PRDM6: variants seen among roughly 807,000 people sequenced by gnomAD.
The protein encoded by PRDM6 is PR/SET domain 6, also known as putative histone-lysine N-methyltransferase PRDM6.
Under a neutral mutation model 60.8 loss-of-function variants are expected in PRDM6, and 25 were observed. The ratio of observed to expected loss-of-function variants is 0.41; its 90% CI spans 0.30 to 0.57. The LOEUF is 0.57. PRDM6 is among the 20% of genes least tolerant of loss of function. PRDM6 has a pLI of 0.27. For synonymous variants in PRDM6, 407 were observed against 357.4 expected, an observed-to-expected ratio of 1.14 and a Z score of -1.57; for missense variants, 839 against 821.3, an observed-to-expected ratio of 1.02 and a Z score of -0.26.
chr5:123,097,667 T>C (rs973933584), intron 2 of PRDM6, among the ~76,000 whole-genome samples: 1 of 152,134 alleles, frequency 6.6e-6, no homozygotes, highest in South Asian at 2.1e-4. Flanking sequence ...GTGTGTGAAG[T>C]GTGTGTGTTT....
chr5:123,140,311 A>G (rs1765068647), intron 3 of PRDM6, among the ~76,000 whole-genome samples: 2 of 151,874 alleles, frequency 1.3e-5, no homozygotes, highest in African/African-American at 4.8e-5. Flanking sequence ...TCAAAATGAC[A>G]TGATGGAATA....
intron 3 of PRDM6, among the ~76,000 whole-genome samples, chr5:123,136,343 A>G (rs1277058906): frequency 6.6e-6 from 1 of 152,116 alleles, no homozygotes; most frequent in Admixed American, 6.6e-5. Context: ...TAATGTGTTT[A>G]TAGGGTTCAT....
chr5:123,188,350 G>T lies in PRDM6; in HGVS notation c.*1149G>T, dbSNP rs1766334677. ...CTAATTTTATCAATAGGATTACTTTGTCTTTTCTTGAGATTGATTAATTGA... is the reference window on the plus strand; with the variant it reads ...CTAATTTTATCAATAGGATTACTTTTTCTTTTCTTGAGATTGATTAATTGA... On this transcript the variant is annotated 3_prime_UTR_variant, in exon 8 of 8. Coordinates refer to ENST00000407847, the MANE Select transcript of PRDM6 (RefSeq NM_001136239.4). The T allele has an allele frequency of 6.6e-6, 1 of 152,154 alleles. No individual in the cohort carries two copies. The highest frequency in any genetic ancestry group is 1.5e-5 in the Non-Finnish European group (1 of 68,020). 9.4% of individuals were successfully genotyped at this position (152,154 alleles called of 1,614,324 possible).
intron 3 of PRDM6, among the ~76,000 whole-genome samples, chr5:123,116,238 C>T (rs151239895): frequency 1.1e-4 from 17 of 152,312 alleles, no homozygotes; most frequent in Middle Eastern, 3.4e-3. Flanking sequence ...TGGAACTAAA[C>T]GCCTCCACAC....
At chr5:123,142,356 G>T (rs1765124251) in intron 3 of PRDM6, among the ~76,000 whole-genome samples, 1 of 152,134 alleles carries the variant, frequency 6.6e-6, no homozygotes, top group African/African-American at 2.4e-5. Context: ...AGGTCATACA[G>T]TTAATACTGC....
intron 3 of PRDM6, among the ~76,000 whole-genome samples, chr5:123,138,636 T>C (rs1367092626): frequency 6.6e-6 from 1 of 152,256 alleles, no homozygotes; most frequent in African/African-American, 2.4e-5. Flanking sequence ...ATCTCTTTGG[T>C]AAATTTGGAT....
Position 123,099,760 on chromosome 5 carries a change from C to T in PRDM6, c.699C>T (p.Pro233=), listed in dbSNP as rs916352695. The T allele has an allele frequency of 9.7e-6, 15 of 1,546,862 alleles. No homozygotes were observed. The highest frequency in any genetic ancestry group is 1.0e-5 in the Non-Finnish European group (12 of 1,145,182). ...VGTSSAAAAA[P]PPELPEWLRD... is the part of the protein sequence containing the mutation. ...CCAGCAGCGCTGCGGCCGCCGCGCC[C>T]CCGCCGGAGCTGCCGGAGTGGCTGC... is the stretch of plus-strand genomic sequence containing the variant. Residue 233 remains proline (P), a synonymous_variant, in exon 3 of 8, where the codon CCC becomes CCT. Coordinates refer to ENST00000407847, the MANE Select transcript of PRDM6 (RefSeq NM_001136239.4). The surrounding 1 kb of genome is among the most constrained non-coding windows in gnomAD (Gnocchi z 4.0).
chr5:123,113,783 G>T (rs1250693888), intron 3 of PRDM6, among the ~76,000 whole-genome samples: 2 of 152,160 alleles, frequency 1.3e-5, no homozygotes, highest in Non-Finnish European at 2.9e-5. Flanking sequence ...CACTGCACTG[G>T]TTTTTCAGAC....
Position 123,090,259 on chromosome 5 carries a change from C to G in PRDM6, c.245C>G (p.Thr82Arg). Residue 82 changes from threonine to arginine, a missense_variant, in exon 2 of 8, where the codon ACG becomes AGG. Thr to Arg is a moderately conservative substitution (Grantham distance 71). This residue lies in a region of PRDM6 where 730 missense variants were observed against 648.8 expected (regional missense o/e 1.13). Transcript: ENST00000407847. ...GCCTCTCTCTCCTCCGCCTCGTCCACGCCGGCTTCCTCTTCCACCTCCGCC... is the reference window on the plus strand; with the variant it reads ...GCCTCTCTCTCCTCCGCCTCGTCCAGGCCGGCTTCCTCTTCCACCTCCGCC... The part of the protein sequence containing the change: ...RPASLSSASS[T>R]PASSSTSASS... The G allele has an allele frequency of 6.7e-7, 1 of 1,487,134 alleles. No homozygotes were observed. The highest frequency in any genetic ancestry group is 1.3e-5 in the South Asian group (1 of 78,542). 92.1% of individuals were successfully genotyped at this position (1,487,134 alleles called of 1,614,324 possible). A position where few individuals can be genotyped will look rare whatever the true frequency, so the allele number is the denominator to read the frequency against.
chr5:123,179,536 G>A (rs1004524523), intron 6 of PRDM6, among the ~76,000 whole-genome samples: 21 of 152,290 alleles, frequency 1.4e-4, no homozygotes, highest in Admixed American at 5.2e-4. Flanking sequence ...TTTAATATCC[G>A]TTAAAACACA....
intron 5 of PRDM6, among the ~76,000 whole-genome samples, chr5:123,168,598 A>T (rs1448687759): frequency 6.6e-6 from 1 of 152,226 alleles, no homozygotes; most frequent in Non-Finnish European, 1.5e-5. Flanking sequence ...AAAAATGTAG[A>T]TGCCCAGGCC....
chr5:123,116,189 A>G (rs1287297158), intron 3 of PRDM6, among the ~76,000 whole-genome samples: 1 of 152,188 alleles, frequency 6.6e-6, no homozygotes, highest in African/African-American at 2.4e-5. Context: ...TTTGACCCAC[A>G]TGCTCCAGGG....
At chr5:123,173,054 G>A (rs1441059959) in intron 6 of PRDM6, among the ~76,000 whole-genome samples, 1 of 152,056 alleles carries the variant, frequency 6.6e-6, no homozygotes, top group Non-Finnish European at 1.5e-5. Context: ...AGCCAGGCAT[G>A]GTGGCGGGCA....
intron 3 of PRDM6, among the ~76,000 whole-genome samples, chr5:123,125,295 A>G (rs1052229724): frequency 6.6e-6 from 1 of 152,098 alleles, no homozygotes. Context: ...TTGGTGACTC[A>G]TAGTCTGTTT....
chr5:123,186,049 G>A (rs1270602116), intron 7 of PRDM6, among the ~76,000 whole-genome samples: 1 of 152,206 alleles, frequency 6.6e-6, no homozygotes, highest in African/African-American at 2.4e-5. Context: ...AGGGGTGGCT[G>A]AGGTGGCCTC....
In PRDM6 at chr5:123,123,673, TTTAAATAGGCA is replaced by T. The variant is rs529615668; in HGVS notation, c.900+23714_900+23724del. On this transcript the variant is annotated intron_variant, in intron 3 of 7. Coordinates refer to ENST00000407847, the MANE Select transcript of PRDM6 (RefSeq NM_001136239.4). ...TCTCTTCCCACATTTATACTGATGCTTTAAATAGGCATGATTTCTCGTTCCTCCCATGCAAA... is the reference window on the plus strand; with the variant it reads ...TCTCTTCCCACATTTATACTGATGCTTGATTTCTCGTTCCTCCCATGCAAA... Among the ~76,000 whole-genome samples, 310 of 152,350 alleles carry T rather than the reference TTTAAATAGGCA, an allele frequency of 2.0e-3. 1 individual carries two copies. Among genetic ancestry groups the T allele is most frequent in the Non-Finnish European group, 3.6e-3 (246 of 68,034 alleles).
chr5:123,090,673 C>A, intron 2 of PRDM6, 67 bp downstream of exon 2: 1 of 826,510 alleles, frequency 1.2e-6, no homozygotes, highest in Non-Finnish European at 1.6e-6. Flanking sequence ...GCGCGGGTGC[C>A]TGTCAGGGAG....
intron 5 of PRDM6, among the ~76,000 whole-genome samples, chr5:123,166,345 C>G (rs10060666): frequency 6.6e-6 from 1 of 152,090 alleles, no homozygotes; most frequent in Non-Finnish European, 1.5e-5. Flanking sequence ...CCTCAGGAAC[C>G]CAGATTCTCT....
At position 123,102,212 on chromosome 5, in the gene PRDM6, G is replaced by T. The variant is rs556667832; in HGVS notation, c.900+2251G>T. On this transcript the variant is annotated intron_variant, in intron 3 of 7. Coordinates refer to ENST00000407847, the MANE Select transcript of PRDM6 (RefSeq NM_001136239.4). The stretch of plus-strand genomic sequence containing the variant: ...ATCACGTGAAATGCGACTAACTGGG[G>T]CCAGGTAACTTAGTGCCAATATCCA... 2.0e-5 allele frequency among the ~76,000 whole-genome samples: 3 copies of T among 152,176 alleles called. No individual in the cohort carries two copies. The South Asian group carries it at 6.2e-4, about 32-fold the overall frequency.
Sources: allele counts gnomAD v4.1 joint callset (sites outside exome capture counted in the v4.1 genomes callset), GRCh38; gene constraint gnomAD v4.1.1; regional missense constraint gnomAD v4.1.1; non-coding constraint Gnocchi (gnomAD v3.1); transcripts MANE v1.5; gene names NCBI Gene and HGNC (gene_info 2026-07-23, HGNC 2026-07-21).